The following PLCL1 variants were observed in gnomAD, a reference collection of about 807,000 sequenced individuals.
The protein encoded by PLCL1 is phospholipase C like 1 (inactive).
A neutral mutation model predicts 84.4 loss-of-function variants in PLCL1; 41 were observed. That is an observed-to-expected ratio of 0.49 (90% CI 0.38 to 0.63). PLCL1 has a LOEUF of 0.63. PLCL1 is among the 30% of genes least tolerant of loss of function. PLCL1 has a pLI of 0.00. For missense variants in PLCL1, 1,206 were observed against 1,367.8 expected, an observed-to-expected ratio of 0.88 and a Z score of 1.87; for synonymous variants, 490 against 488.3, an observed-to-expected ratio of 1.00 and a Z score of -0.05.
intron 1 of PLCL1, among the ~76,000 whole-genome samples, chr2:197,811,551 C>T (rs1158327295): frequency 6.6e-6 from 1 of 152,096 alleles, no homozygotes; most frequent in Non-Finnish European, 1.5e-5. Context: ...AGAAAGAAGG[C>T]AAGTTAATTT....
At chr2:198,093,468 T>C (rs1325677350) in intron 3 of PLCL1, among the ~76,000 whole-genome samples, 1 of 152,144 alleles carries the variant, frequency 6.6e-6, no homozygotes, top group Non-Finnish European at 1.5e-5. Flanking sequence ...AAATACAGTC[T>C]AACCACCCCC....
intron 1 of PLCL1, among the ~76,000 whole-genome samples, chr2:198,014,061 C>T (rs548510663): frequency 5.3e-5 from 8 of 152,156 alleles, no homozygotes; most frequent in African/African-American, 1.9e-4. Flanking sequence ...GTGAATGGAT[C>T]ATCATTTCTA....
At chr2:198,143,832 A>C (rs545085160) in intron 5 of PLCL1, among the ~76,000 whole-genome samples, 11 of 152,310 alleles carry the variant, frequency 7.2e-5, no homozygotes, top group South Asian at 6.2e-4. Flanking sequence ...ATCATGTTTC[A>C]ATGTACACTC....
At chr2:197,917,848 TA>T (rs1688625806) in intron 1 of PLCL1, among the ~76,000 whole-genome samples, 1 of 152,134 alleles carries the variant, frequency 6.6e-6, no homozygotes, top group Admixed American at 6.5e-5. Context: ...GAATGGGTTA[TA>T]TCAAAGGGAC....
intron 1 of PLCL1, among the ~76,000 whole-genome samples, chr2:197,888,730 A>G (rs1687963727): frequency 6.6e-6 from 1 of 152,178 alleles, no homozygotes; most frequent in Non-Finnish European, 1.5e-5. Flanking sequence ...GTCTTCAATT[A>G]TTTTTTGAAA....
At chr2:197,937,569 C>G (rs1223051879) in intron 1 of PLCL1, among the ~76,000 whole-genome samples, 3 of 152,168 alleles carry the variant, frequency 2.0e-5, no homozygotes, top group African/African-American at 7.2e-5. Flanking sequence ...TGTTAAGCCT[C>G]TTTGTCTCAT....
At chr2:198,139,988 C>A (rs953164287) in intron 5 of PLCL1, among the ~76,000 whole-genome samples, 1 of 151,734 alleles carries the variant, frequency 6.6e-6, no homozygotes, top group Non-Finnish European at 1.5e-5. Flanking sequence ...GGCTGGAGGG[C>A]AGTGGTGCGA....
chr2:197,891,871 G>C (rs1186693171), intron 1 of PLCL1, among the ~76,000 whole-genome samples: 1 of 152,102 alleles, frequency 6.6e-6, no homozygotes. Flanking sequence ...CTGAGATTCT[G>C]CCTTTCTAAC....
At chr2:197,902,018 T>C (rs1227729165) in intron 1 of PLCL1, among the ~76,000 whole-genome samples, 2 of 152,152 alleles carry the variant, frequency 1.3e-5, no homozygotes, top group Non-Finnish European at 2.9e-5. Context: ...AAAGAAATCA[T>C]ATAAACCCTC....
At chr2:197,941,850 C>T (rs914864000) in intron 1 of PLCL1, among the ~76,000 whole-genome samples, 1 of 152,080 alleles carries the variant, frequency 6.6e-6, no homozygotes, top group Admixed American at 6.6e-5. Flanking sequence ...TCTTGGGGAT[C>T]CCTATACAGT....
chr2:198,034,263 C>T (rs773155056), intron 1 of PLCL1, among the ~76,000 whole-genome samples: 7 of 151,692 alleles, frequency 4.6e-5, no homozygotes, highest in South Asian at 2.1e-4. Flanking sequence ...TTTGTCTTTG[C>T]GATAGTTTGC....
chr2:197,911,416 C>T (rs10931794), intron 1 of PLCL1, among the ~76,000 whole-genome samples: 41,204 of 151,766 alleles, frequency 0.27, 6,688 homozygotes, highest in East Asian at 0.5. Context: ...TCTTGATTTT[C>T]GGATATTCCC....
intron 1 of PLCL1, among the ~76,000 whole-genome samples, chr2:197,859,742 G>T (rs1687393832): frequency 6.6e-6 from 1 of 152,126 alleles, no homozygotes; most frequent in African/African-American, 2.4e-5. Context: ...TACAGTATAG[G>T]TTTGTAGCCT....
At chr2:198,134,369 G>T (rs1398196190) in intron 5 of PLCL1, among the ~76,000 whole-genome samples, 1 of 152,022 alleles carries the variant, frequency 6.6e-6, no homozygotes, top group East Asian at 1.9e-4. Flanking sequence ...AGCTGAGTTG[G>T]CCACATCCTT....
At chr2:198,094,299 G>A (rs1693135626) in intron 3 of PLCL1, among the ~76,000 whole-genome samples, 2 of 152,282 alleles carry the variant, frequency 1.3e-5, no homozygotes, top group Admixed American at 1.3e-4. Context: ...CTGACCTCGT[G>A]ATCTGCCCGC....
At chr2:197,828,104 CT>C (rs1217474792) in intron 1 of PLCL1, among the ~76,000 whole-genome samples, 1 of 151,766 alleles carries the variant, frequency 6.6e-6, no homozygotes, top group African/African-American at 2.4e-5. Flanking sequence ...TATAGTTTTT[CT>C]TTTTCTTTTT....
At chr2:197,878,337 G>A (rs1267517217) in intron 1 of PLCL1, among the ~76,000 whole-genome samples, 1 of 152,060 alleles carries the variant, frequency 6.6e-6, no homozygotes, top group African/African-American at 2.4e-5. Context: ...AAGCAAGGGT[G>A]GCCTGGTAGC....
chr2:197,982,620 C>G (rs573992364), intron 1 of PLCL1, among the ~76,000 whole-genome samples: 101 of 152,290 alleles, frequency 6.6e-4, no homozygotes, highest in African/African-American at 2.1e-3. Context: ...GGAAAATAAT[C>G]AGTTATGGGT....
intron 1 of PLCL1, among the ~76,000 whole-genome samples, chr2:197,824,449 T>G (rs1262435197): frequency 3.3e-5 from 5 of 151,836 alleles, no homozygotes; most frequent in Non-Finnish European, 7.4e-5. Flanking sequence ...ATTTAAAAAA[T>G]CAGTCTGTAA....
Sources: allele counts gnomAD v4.1 joint callset (sites outside exome capture counted in the v4.1 genomes callset), GRCh38; gene constraint gnomAD v4.1.1; transcripts MANE v1.5; gene names NCBI Gene and HGNC (gene_info 2026-07-23, HGNC 2026-07-21).